The following TANGO6 variants were observed in gnomAD, a reference collection of about 807,000 sequenced individuals.
TANGO6 encodes transport and golgi organization 6 homolog.
TANGO6 carries 90 observed loss-of-function variants against 114.2 expected under a neutral mutation model. That is an observed-to-expected ratio of 0.79 (90% CI 0.66 to 0.94). The LOEUF is 0.94. Among genes scored for constraint, TANGO6 ranks in the 40% least tolerant of loss-of-function variants. The pLI, the probability that TANGO6 is intolerant of heterozygous loss-of-function variation, is 0.00. For missense variants in TANGO6, 1,274 were observed against 1,315.3 expected, an observed-to-expected ratio of 0.97 and a Z score of 0.49; for synonymous variants, 477 against 509.8, an observed-to-expected ratio of 0.94 and a Z score of 0.87.
In TANGO6 at chr16:69,040,417, C is replaced by T; in HGVS notation, c.3104C>T (p.Thr1035Ile). 6.3e-7 allele frequency: 1 copy of T among 1,599,172 alleles called. No individual in the cohort carries two copies. Among genetic ancestry groups the T allele is most frequent in the South Asian group, 1.1e-5 (1 of 88,160 alleles). ...CTTCGGGGACTCAGCCAGAAAGCTA[C>T]TGAGGTCAGTCCGTCTCTCGCCCTT... ...LLLRGLSQKA[T>I]EVLSAVLKDL... The change falls in exon 17 of 18, where the codon ACT becomes ATT. Residue 1035 changes from threonine (T) to isoleucine (I), a missense_variant. By Grantham distance (89) the Thr-to-Ile change is moderately conservative. Around this residue, in one of 5 missense-constraint regions of TANGO6, gnomAD observed 238 missense variants for 252.9 expected, o/e 0.94. Coordinates refer to ENST00000261778, the MANE Select transcript of TANGO6 (RefSeq NM_024562.2).
chr16:68,930,263 A>T lies in TANGO6; in HGVS notation c.2669A>T (p.Glu890Val). ...LKIFLENLEH[E>V]DTFVYLSAIQ... Reference sequence around the variant, plus strand: ...ATATTCTTGGAAAACTTGGAACATGAAGACACTTTTGTATATCTATCTGCA... The same window carrying T: ...ATATTCTTGGAAAACTTGGAACATGTAGACACTTTTGTATATCTATCTGCA... Residue 890 changes from glutamate (E) to valine (V), a missense_variant, in exon 14 of 18, where the codon GAA becomes GTA. Transcript: ENST00000261778. 6.4e-7 allele frequency: 1 copy of T among 1,554,618 alleles called. No individual in the cohort carries two copies. The highest frequency in any genetic ancestry group is 8.7e-7 in the Non-Finnish European group (1 of 1,147,956).
chr16:68,933,703 A>C (rs1963270303), intron 14 of TANGO6: 1 of 152,216 alleles, frequency 6.6e-6, no homozygotes, highest in Non-Finnish European at 1.5e-5. Flanking sequence ...CAGACATCCT[A>C]TCATTCTGCC....
chr16:69,030,388 G>A (rs1376020598), intron 16 of TANGO6, among the ~76,000 whole-genome samples: 1 of 151,956 alleles, frequency 6.6e-6, no homozygotes, highest in Non-Finnish European at 1.5e-5. Context: ...AGAAATCCTT[G>A]GAACTGAATC....
At chr16:68,949,645 T>C (rs1963451817) in intron 14 of TANGO6, among the ~76,000 whole-genome samples, 1 of 151,942 alleles carries the variant, frequency 6.6e-6, no homozygotes, top group Non-Finnish European at 1.5e-5. Flanking sequence ...AAGCTTACTT[T>C]AAAATAATAC....
intron 11 of TANGO6, among the ~76,000 whole-genome samples, chr16:68,911,232 G>A (rs1962918612): frequency 1.3e-5 from 2 of 150,632 alleles, no homozygotes; most frequent in Admixed American, 6.6e-5. Flanking sequence ...GACAACAGGT[G>A]CACACCACCG....
rs537091537 is a variant in TANGO6, at chr16:69,027,759, G to T, written c.2994+4780G>T. Among the ~76,000 whole-genome samples the T allele has an allele frequency of 2.6e-4, 40 of 151,216 alleles. No homozygotes were observed. The South Asian group carries it at 8.1e-3, about 31-fold the overall frequency. ...AACTGTGTACTAAAACAAGTTGCTGGTCCATGATCTGAACCAAACCCAATT... is the reference window on the plus strand; with the variant it reads ...AACTGTGTACTAAAACAAGTTGCTGTTCCATGATCTGAACCAAACCCAATT... On this transcript the variant is annotated intron_variant, in intron 16 of 17. Coordinates refer to ENST00000261778, the MANE Select transcript of TANGO6 (RefSeq NM_024562.2).
intron 16 of TANGO6, among the ~76,000 whole-genome samples, chr16:69,039,182 C>T (rs1330346404): frequency 6.6e-6 from 1 of 150,898 alleles, no homozygotes; most frequent in Non-Finnish European, 1.5e-5. Context: ...GAGACTCCAT[C>T]TCAAAAAAAA....
At chr16:69,002,124 G>T (rs1964050127) in intron 15 of TANGO6, among the ~76,000 whole-genome samples, 1 of 152,202 alleles carries the variant, frequency 6.6e-6, no homozygotes, top group African/African-American at 2.4e-5. Flanking sequence ...TCCAAAACAG[G>T]ATCTGTGACA....
intron 17 of TANGO6, 36 bp from the exon 18 acceptor site, chr16:69,083,449 A>C: frequency 6.3e-7 from 1 of 1,586,908 alleles, no homozygotes; most frequent in Middle Eastern, 1.9e-4. Context: ...ATGCCGGCAC[A>C]GTAGACAGGC....
chr16:69,047,298 C>T lies in TANGO6; in HGVS notation c.3108+6877C>T, dbSNP rs140203113. Among the ~76,000 whole-genome samples the T allele has an allele frequency of 1.8e-4, 27 of 152,132 alleles. 1 individual carries two copies. In the East Asian group the frequency reaches 5.2e-3, roughly 29 times the overall value. ...TCACCTGAGGTCAGGAGTTCGAGAC[C>T]AGCCTGGCCAACATGGCGAAACCCT... On this transcript the variant is annotated intron_variant, in intron 17 of 17. Coordinates refer to ENST00000261778, the MANE Select transcript of TANGO6 (RefSeq NM_024562.2).
chr16:69,039,327 C>CAA (rs1224194865), intron 16 of TANGO6, among the ~76,000 whole-genome samples: 18 of 102,868 alleles, frequency 1.7e-4, no homozygotes, highest in African/African-American at 4.1e-4. Context: ...GACTCCGTCT[C>CAA]AAAAAAAAAA....
intron 15 of TANGO6, among the ~76,000 whole-genome samples, chr16:68,999,025 G>A (rs1006713000): frequency 2.6e-5 from 4 of 151,884 alleles, no homozygotes; most frequent in Non-Finnish European, 5.9e-5. Context: ...TGGGACTACA[G>A]GTGTGCACCA....
intron 15 of TANGO6, among the ~76,000 whole-genome samples, chr16:69,018,130 T>C (rs1959334516): frequency 1.4e-5 from 2 of 142,540 alleles, no homozygotes; most frequent in African/African-American, 5.1e-5. Context: ...GCCCAGCCGT[T>C]GGAAATCTCT....
intron 4 of TANGO6, among the ~76,000 whole-genome samples, chr16:68,869,936 G>T (rs141412677): frequency 1.1e-3 from 161 of 152,326 alleles, no homozygotes; most frequent in African/African-American, 3.5e-3. Context: ...AGTGAGTGGG[G>T]ATGGTGGCTG....
intron 17 of TANGO6, among the ~76,000 whole-genome samples, chr16:69,067,004 T>C (rs1303004051): frequency 1.3e-5 from 2 of 151,982 alleles, no homozygotes; most frequent in African/African-American, 4.8e-5. Flanking sequence ...TCAAGTGATC[T>C]TCCCTCCTCA....
chr16:68,951,929 A>G (rs1226970874), intron 14 of TANGO6, among the ~76,000 whole-genome samples: 2 of 152,082 alleles, frequency 1.3e-5, no homozygotes, highest in Non-Finnish European at 2.9e-5. Context: ...GCTCTTACGG[A>G]TGGTAAAATT....
intron 14 of TANGO6, among the ~76,000 whole-genome samples, chr16:68,958,290 C>T (rs1195951809): frequency 2.6e-5 from 4 of 151,570 alleles, no homozygotes; most frequent in East Asian, 1.9e-4. Context: ...GTCAGGAGTT[C>T]GAGACCAGCC....
At chr16:68,910,284 C>T (rs929571637) in intron 11 of TANGO6, among the ~76,000 whole-genome samples, 2 of 152,182 alleles carry the variant, frequency 1.3e-5, no homozygotes, top group African/African-American at 2.4e-5. Context: ...TCTGACTTAC[C>T]GTGCCTGTTT....
At chr16:68,865,322 G>A (rs56328553) in intron 3 of TANGO6, among the ~76,000 whole-genome samples, 1,913 of 151,304 alleles carry the variant, frequency 0.013, 40 homozygotes, top group African/African-American at 0.042. Context: ...CATGATCAGT[G>A]TTCTAGCCCA....
Sources: allele counts gnomAD v4.1 joint callset (sites outside exome capture counted in the v4.1 genomes callset), GRCh38; gene constraint gnomAD v4.1.1; regional missense constraint gnomAD v4.1.1; transcripts MANE v1.5; gene names NCBI Gene and HGNC (gene_info 2026-07-23, HGNC 2026-07-21).